Variants in MIS18A observed in about 807,000 individuals in gnomAD.
The protein encoded by MIS18A is protein Mis18-alpha.
In MIS18A, 14 loss-of-function variants were observed where a neutral mutation model predicts 25.0. The ratio of observed to expected loss-of-function variants is 0.56; its 90% CI spans 0.37 to 0.88. The LOEUF is 0.88. Ranked by LOEUF, MIS18A falls within the 40% of genes least tolerant of loss-of-function variation. MIS18A has a pLI of 0.00. For missense variants in MIS18A, 292 were observed against 290.8 expected (o/e 1.00, Z -0.03); for synonymous variants, 134 against 118.6 (o/e 1.13, Z -0.84).
At chr21:32,269,553 C>T in intron 4 of MIS18A, 154 bp downstream of exon 4, 2 of 550,608 alleles carry the variant, frequency 3.6e-6, no homozygotes, top group South Asian at 2.8e-5. Flanking sequence ...TTTGAGTTCC[C>T]CAAAAATCAA....
At chr21:32,214,146 G>A in the MIS18A span, among the ~76,000 whole-genome samples, 1 of 152,064 alleles carries the variant, frequency 6.6e-6, no homozygotes, top group Non-Finnish European at 1.5e-5. Flanking sequence ...TCACTCCCAT[G>A]GTGCCCACGC....
At chr21:32,238,038 C>G in the MIS18A span, among the ~76,000 whole-genome samples, 6 of 152,090 alleles carry the variant, frequency 3.9e-5, no homozygotes, top group African/African-American at 1.2e-4. Flanking sequence ...GCCCCAAGTA[C>G]CATATCTATA....
the MIS18A span, among the ~76,000 whole-genome samples, chr21:32,193,185 T>G: frequency 1.3e-5 from 2 of 151,934 alleles, no homozygotes; most frequent in African/African-American, 4.8e-5. Flanking sequence ...CAGCAAGAGG[T>G]GAGGGCATGA....
At chr21:32,208,850 G>C in the MIS18A span, among the ~76,000 whole-genome samples, 1 of 152,216 alleles carries the variant, frequency 6.6e-6, no homozygotes, top group Non-Finnish European at 1.5e-5. Flanking sequence ...AGTGTTCACT[G>C]AGTAGGCGGA....
chr21:32,270,972 C>T (rs2031704671), intron 2 of MIS18A, among the ~76,000 whole-genome samples: 7 of 152,202 alleles, frequency 4.6e-5, no homozygotes, highest in Admixed American at 4.6e-4. Context: ...GTGCCCGCCC[C>T]ATGGGCCATA....
the MIS18A span, among the ~76,000 whole-genome samples, chr21:32,231,584 G>C: frequency 6.6e-6 from 1 of 152,114 alleles, no homozygotes; most frequent in South Asian, 2.1e-4. Flanking sequence ...ATATGCTGCT[G>C]GTGGGAATGT....
At chr21:32,270,025 G>A (rs1027622201) in intron 3 of MIS18A, among the ~76,000 whole-genome samples, 1 of 152,022 alleles carries the variant, frequency 6.6e-6, no homozygotes, top group East Asian at 1.9e-4. Context: ...AGAAAGCTAT[G>A]ACCACAGCAC....
the MIS18A span, among the ~76,000 whole-genome samples, chr21:32,165,605 A>C: frequency 7.9e-6 from 1 of 125,836 alleles, no homozygotes; most frequent in Non-Finnish European, 1.6e-5. Context: ...AAACTGGTTT[A>C]AAAAAAAAAA....
At chr21:32,223,625 A>G in the MIS18A span, among the ~76,000 whole-genome samples, 2 of 152,240 alleles carry the variant, frequency 1.3e-5, no homozygotes, top group Non-Finnish European at 2.9e-5. Context: ...TCTGAAATTG[A>G]GGCAGTGATT....
the MIS18A span, among the ~76,000 whole-genome samples, chr21:32,160,283 G>A: frequency 8.0e-6 from 1 of 124,622 alleles, no homozygotes; most frequent in Non-Finnish European, 1.7e-5. Context: ...AAACACCTCT[G>A]CAACACACAC....
chr21:32,158,525 C>T, the MIS18A span, among the ~76,000 whole-genome samples: 5 of 150,918 alleles, frequency 3.3e-5, no homozygotes, highest in African/African-American at 1.2e-4. Context: ...CCCAGGCTGG[C>T]GTTCAATGAC....
the MIS18A span, among the ~76,000 whole-genome samples, chr21:32,174,383 CA>C: frequency 6.6e-6 from 1 of 152,072 alleles, no homozygotes; most frequent in Non-Finnish European, 1.5e-5. Flanking sequence ...AAGCACTAAT[CA>C]AAAGAATGCT....
At chr21:32,272,497 C>G (rs188941758) in intron 2 of MIS18A, among the ~76,000 whole-genome samples, 1 of 152,264 alleles carries the variant, frequency 6.6e-6, no homozygotes, top group East Asian at 1.9e-4. Context: ...CTCTATCAAT[C>G]CTGATTAGAA....
At chr21:32,271,725 G>A (rs1445696326) in intron 2 of MIS18A, among the ~76,000 whole-genome samples, 1 of 152,158 alleles carries the variant, frequency 6.6e-6, no homozygotes, top group Non-Finnish European at 1.5e-5. Context: ...TTACTGGCAG[G>A]AGTCACCATA....
At chr21:32,175,921 C>CT in the MIS18A span, among the ~76,000 whole-genome samples, 3 of 151,856 alleles carry the variant, frequency 2.0e-5, no homozygotes, top group African/African-American at 7.3e-5. Flanking sequence ...TATTTTTAAA[C>CT]TTTTTTGTTA....
chr21:32,219,000 A>G, the MIS18A span, among the ~76,000 whole-genome samples: 3 of 151,578 alleles, frequency 2.0e-5, no homozygotes, highest in Non-Finnish European at 4.4e-5. Flanking sequence ...CCCGGGAGGC[A>G]GAGGTTGCAA....
At chr21:32,219,112 A>G in the MIS18A span, among the ~76,000 whole-genome samples, 1 of 152,086 alleles carries the variant, frequency 6.6e-6, no homozygotes, top group Non-Finnish European at 1.5e-5. Context: ...TTAAACATAA[A>G]TGGATTCACA....
At chr21:32,197,638 G>A in the MIS18A span, 1 of 152,202 alleles carries the variant, frequency 6.6e-6, no homozygotes, top group Non-Finnish European at 1.5e-5. Context: ...TGTAGAGACC[G>A]TCTGCCTGCT....
chr21:32,167,838 C>T, the MIS18A span, among the ~76,000 whole-genome samples: 1 of 152,098 alleles, frequency 6.6e-6, no homozygotes, highest in African/African-American at 2.4e-5. Flanking sequence ...TGTTTAACTG[C>T]CTGAGAAAAA....
Sources: gnomAD v4.1 joint callset for allele counts (sites outside exome capture counted in the v4.1 genomes callset) on GRCh38, gnomAD v4.1.1 for gene constraint, MANE v1.5 for transcripts, NCBI Gene and HGNC (gene_info 2026-07-23, HGNC 2026-07-21) for gene names.